The following ADAMTSL1 variants were observed in gnomAD, a reference collection of about 807,000 sequenced individuals.
The protein encoded by ADAMTSL1 is ADAMTS-like protein 1.
Under a neutral mutation model 201.8 loss-of-function variants are expected in ADAMTSL1, and 126 were observed. The ratio of observed to expected loss-of-function variants is 0.62; its 90% CI spans 0.54 to 0.72. The LOEUF is 0.72. ADAMTSL1 is among the 30% of genes least tolerant of loss of function. ADAMTSL1 has a pLI of 0.00. For missense variants in ADAMTSL1, 2,679 were observed against 2,277.8 expected (o/e 1.18, Z -3.59); for synonymous variants, 1,121 against 903.4 (o/e 1.24, Z -4.32).
chr9:18,747,586 G>C (rs75229538), intron 15 of ADAMTSL1, among the ~76,000 whole-genome samples: 2 of 152,040 alleles, frequency 1.3e-5, no homozygotes, highest in Non-Finnish European at 2.9e-5. Flanking sequence ...AAAATAGAGA[G>C]GATAATAGTA....
chr9:18,824,856 C>A (rs1354133247), intron 21 of ADAMTSL1, among the ~76,000 whole-genome samples: 1 of 151,932 alleles, frequency 6.6e-6, no homozygotes, highest in African/African-American at 2.4e-5. Flanking sequence ...CACCACCATG[C>A]CTGGCTAATT....
intron 9 of ADAMTSL1, among the ~76,000 whole-genome samples, chr9:18,672,117 TC>T (rs1346232407): frequency 2.0e-5 from 3 of 151,764 alleles, no homozygotes; most frequent in African/African-American, 7.3e-5. Context: ...TTAGGATTTT[TC>T]TTGTAGAGAG....
At chr9:18,564,285 C>G (rs1821736407) in intron 3 of ADAMTSL1, among the ~76,000 whole-genome samples, 1 of 152,198 alleles carries the variant, frequency 6.6e-6, no homozygotes, top group African/African-American at 2.4e-5. Flanking sequence ...ACCCGTTGCA[C>G]TTCCCTGGTG....
intron 3 of ADAMTSL1, among the ~76,000 whole-genome samples, chr9:18,566,304 T>C (rs746746185): frequency 2.6e-5 from 4 of 152,204 alleles, no homozygotes; most frequent in Non-Finnish European, 5.9e-5. Flanking sequence ...TCAACAAATA[T>C]TCGAGTACCT....
At chr9:18,808,474 G>T (rs188108195) in intron 20 of ADAMTSL1, among the ~76,000 whole-genome samples, 1 of 152,284 alleles carries the variant, frequency 6.6e-6, no homozygotes, top group Non-Finnish European at 1.5e-5. Flanking sequence ...AAGAAAAAAA[G>T]GCCATTACTT....
intron 2 of ADAMTSL1, among the ~76,000 whole-genome samples, chr9:18,306,530 A>G (rs1833915672): frequency 6.6e-6 from 1 of 152,218 alleles, no homozygotes; most frequent in South Asian, 2.1e-4. Context: ...ACACAGCACG[A>G]GAACTCATGA....
rs773691316 is a variant in ADAMTSL1, at chr9:18,681,975, C to G, written c.1489+16C>G. ...AAACCCAAAGGTAACTTGACAGGTGCTCTATTACCAGCCTGTTAATTGTTG... is the reference window on the plus strand; with the variant it reads ...AAACCCAAAGGTAACTTGACAGGTGGTCTATTACCAGCCTGTTAATTGTTG... On this transcript the variant is annotated intron_variant, in intron 12 of 28. Coordinates refer to ENST00000380548, the MANE Select transcript of ADAMTSL1 (RefSeq NM_001040272.6). 4.3e-6 allele frequency: 7 copies of G among 1,613,276 alleles called. No homozygotes were observed. The Admixed American group carries it at 6.7e-5, about 15-fold the overall frequency.
At chr9:17,989,790 G>T (rs1431147465) in intron 1 of ADAMTSL1, among the ~76,000 whole-genome samples, 1 of 150,950 alleles carries the variant, frequency 6.6e-6, no homozygotes, top group Non-Finnish European at 1.5e-5. Flanking sequence ...GTTGGACATT[G>T]ACATTTTAAG....
At chr9:18,610,645 G>A (rs1329773890) in intron 4 of ADAMTSL1, among the ~76,000 whole-genome samples, 1 of 152,152 alleles carries the variant, frequency 6.6e-6, no homozygotes, top group Non-Finnish European at 1.5e-5. Flanking sequence ...AATAAGTTTT[G>A]AGAGGTAACC....
In ADAMTSL1 at chr9:18,180,963, G is replaced by A. The variant is rs1587246510; in HGVS notation, c.207+16982G>A. Among the ~76,000 whole-genome samples the A allele has an allele frequency of 2.0e-5, 3 of 152,226 alleles. No individual in the cohort carries two copies. In the South Asian group the frequency reaches 6.2e-4, roughly 32 times the overall value. ...ATATTGATCAATGGAACAGAACAGA[G>A]CCCTCAGAAATAACACCGCATATCT... On this transcript the variant is annotated intron_variant, in intron 2 of 29. Transcript: ENST00000680146.
chr9:18,078,832 A>G (rs552250438), intron 1 of ADAMTSL1, among the ~76,000 whole-genome samples: 35 of 152,278 alleles, frequency 2.3e-4, no homozygotes, highest in African/African-American at 8.4e-4. Context: ...GGACCCTCAA[A>G]AAAAGGCAAT....
At chr9:18,858,956 C>G (rs1304687738) in intron 23 of ADAMTSL1, among the ~76,000 whole-genome samples, 4 of 152,162 alleles carry the variant, frequency 2.6e-5, no homozygotes, top group Non-Finnish European at 5.9e-5. Context: ...GCAACATTAA[C>G]TACTTGCTCT....
chr9:18,302,751 T>C (rs1293056115), intron 2 of ADAMTSL1, among the ~76,000 whole-genome samples: 2 of 152,234 alleles, frequency 1.3e-5, no homozygotes, highest in Non-Finnish European at 2.9e-5. Flanking sequence ...AATGGTAAGA[T>C]TAAGCATAAG....
At chr9:18,322,029 T>C (rs1834642253) in intron 2 of ADAMTSL1, among the ~76,000 whole-genome samples, 1 of 152,150 alleles carries the variant, frequency 6.6e-6, no homozygotes, top group Non-Finnish European at 1.5e-5. Flanking sequence ...TAAACATATA[T>C]CTTAATCTGA....
At chr9:18,844,747 C>A (rs568514158) in intron 23 of ADAMTSL1, among the ~76,000 whole-genome samples, 1 of 152,160 alleles carries the variant, frequency 6.6e-6, no homozygotes, top group Non-Finnish European at 1.5e-5. Context: ...CAATGGCGGG[C>A]GCCCCTCCCC....
intron 8 of ADAMTSL1, among the ~76,000 whole-genome samples, chr9:18,661,471 A>G (rs1395306128): frequency 6.6e-6 from 1 of 152,138 alleles, no homozygotes; most frequent in Non-Finnish European, 1.5e-5. Flanking sequence ...CTGGCCCCCC[A>G]TGTGCAAGGG....
intron 15 of ADAMTSL1, among the ~76,000 whole-genome samples, chr9:18,734,234 T>C (rs1286025698): frequency 6.6e-6 from 1 of 152,116 alleles, no homozygotes; most frequent in Non-Finnish European, 1.5e-5. Flanking sequence ...TAGTTTTGGG[T>C]TTTGTAGGGT....
At chr9:18,501,981 C>T (rs925593066) in intron 1 of ADAMTSL1, among the ~76,000 whole-genome samples, 2 of 152,142 alleles carry the variant, frequency 1.3e-5, no homozygotes, top group Non-Finnish European at 2.9e-5. Context: ...TGAAAAATAT[C>T]AAGGAACTTT....
At chr9:18,308,164 C>A (rs1274412569) in intron 2 of ADAMTSL1, among the ~76,000 whole-genome samples, 1 of 152,018 alleles carries the variant, frequency 6.6e-6, no homozygotes, top group Non-Finnish European at 1.5e-5. Context: ...AGACACAATG[C>A]ACCAGAATCT....
Sources: gnomAD v4.1 joint callset for allele counts (sites outside exome capture counted in the v4.1 genomes callset) on GRCh38, gnomAD v4.1.1 for gene constraint, MANE v1.5 for transcripts, NCBI Gene and HGNC (gene_info 2026-07-23, HGNC 2026-07-21) for gene names.